WDFY4: variants seen among roughly 807,000 people sequenced by gnomAD.
WDFY4 encodes the protein WD repeat- and FYVE domain-containing protein 4.
In WDFY4, 169 loss-of-function variants were observed where a neutral mutation model predicts 351.9. That is an observed-to-expected ratio of 0.48 (90% CI 0.42 to 0.55). The LOEUF is 0.55. Ranked by LOEUF, WDFY4 falls within the 20% of genes least tolerant of loss-of-function variation. WDFY4 has a pLI of 0.00. For synonymous variants in WDFY4, 1,622 were observed against 1,574.6 expected (o/e 1.03, Z -0.71); for missense variants, 3,803 against 3,935.6 (o/e 0.97, Z 0.90).
chr10:48,842,613 C>T (rs1400760404), intron 39 of WDFY4, among the ~76,000 whole-genome samples: 1 of 152,210 alleles, frequency 6.6e-6, no homozygotes, highest in East Asian at 1.9e-4. Context: ...CCGGATGATG[C>T]TGATCTTCTC....
chr10:48,744,655 T>G (rs1033920757), intron 12 of WDFY4, among the ~76,000 whole-genome samples: 1 of 152,196 alleles, frequency 6.6e-6, no homozygotes, highest in African/African-American at 2.4e-5. Flanking sequence ...TTATGTAGAT[T>G]GTTTATTTCC....
chr10:48,727,440 G>T, intron 6 of WDFY4, 30 bp from the exon 7 acceptor site: 1 of 1,545,336 alleles, frequency 6.5e-7, no homozygotes, highest in South Asian at 1.2e-5. Context: ...TCCAAGCTCA[G>T]CAGGTCTCTC....
chr10:48,765,039 G>A (rs1267561717), intron 13 of WDFY4, among the ~76,000 whole-genome samples: 1 of 152,226 alleles, frequency 6.6e-6, no homozygotes, highest in African/African-American at 2.4e-5. Flanking sequence ...CCTATTTGGG[G>A]ACTCTGAATA....
At chr10:48,817,491 C>G in intron 32 of WDFY4, 82 bp downstream of exon 32, 2 of 1,413,454 alleles carry the variant, frequency 1.4e-6, no homozygotes, top group South Asian at 3.0e-5. Flanking sequence ...AATCCCTCCC[C>G]TCCCCCCTAA....
intron 23 of WDFY4, among the ~76,000 whole-genome samples, chr10:48,793,966 T>C (rs937734682): frequency 2.0e-4 from 30 of 152,124 alleles, no homozygotes; most frequent in African/African-American, 6.5e-4. Flanking sequence ...GTTCTTAATA[T>C]GGGGAAAGAG....
At chr10:48,927,307 C>CCTTTGCCATTT (rs1217133181) in intron 47 of WDFY4, among the ~76,000 whole-genome samples, 2 of 152,168 alleles carry the variant, frequency 1.3e-5, no homozygotes, top group African/African-American at 2.4e-5. Flanking sequence ...AGTGACCTCT[C>CCTTTGCCATTT]CTTTGCCATT....
intron 1 of WDFY4, among the ~76,000 whole-genome samples, chr10:48,706,980 T>C (rs2132185723): frequency 6.6e-6 from 1 of 152,290 alleles, no homozygotes; most frequent in East Asian, 1.9e-4. Flanking sequence ...AAGAAAGTTA[T>C]GGACTAATTT....
chr10:48,703,635 C>T (rs553205727), intron 1 of WDFY4, among the ~76,000 whole-genome samples: 2 of 152,264 alleles, frequency 1.3e-5, no homozygotes, highest in South Asian at 4.1e-4. Context: ...AGCTTCTTGG[C>T]ATCTTAGCTC....
At chr10:48,795,532 TATACAC>T (rs1327740462) in intron 23 of WDFY4, among the ~76,000 whole-genome samples, 1,124 of 74,762 alleles carry the variant, frequency 0.015, 39 homozygotes, top group East Asian at 0.11. Flanking sequence ...TACATATATA[TATACAC>T]ACACATGAAT....
intron 57 of WDFY4, among the ~76,000 whole-genome samples, chr10:48,970,706 C>A (rs1350831361): frequency 2.0e-5 from 3 of 152,356 alleles, no homozygotes; most frequent in East Asian, 3.9e-4. Context: ...CGGATTGCCT[C>A]ATTTTAGCTT....
At chr10:48,886,559 A>G (rs900918846) in intron 43 of WDFY4, among the ~76,000 whole-genome samples, 13 of 152,180 alleles carry the variant, frequency 8.5e-5, no homozygotes, top group Admixed American at 8.5e-4. Context: ...TCTGTCTTGC[A>G]TGCTCACTTC....
In WDFY4 at chr10:48,957,282, G is replaced by A. The variant is rs975758655; in HGVS notation, c.8131G>A (p.Gly2711Ser). The A allele has an allele frequency of 4.5e-6, 7 of 1,550,694 alleles. No individual in the cohort carries two copies. Among genetic ancestry groups the A allele is most frequent in the Non-Finnish European group, 6.1e-6 (7 of 1,146,182 alleles). ...AACCAACTGCAACGGGGTAGAGTTC[G>A]GTAAGTGGAGGCCTGGTGAGGCCGG... Reference protein sequence around the residue: ...FLTNCNGVEFGCMQDGTVLGD... With the variant: ...FLTNCNGVEFSCMQDGTVLGD... Residue 2711 changes from glycine to serine, a missense_variant and splice_region_variant, in exon 52 of 62, where the codon GGC becomes AGC. Gly to Ser is a moderately conservative substitution (Grantham distance 56). Coordinates refer to ENST00000325239, the MANE Select transcript of WDFY4 (RefSeq NM_001394531.1).
rs778866216 is a variant in WDFY4, at chr10:48,873,554, G to A, written c.6805G>A (p.Gly2269Arg). 4 of 1,551,564 alleles carry A rather than the reference G, an allele frequency of 2.6e-6. No individual in the cohort carries two copies. The highest frequency in any genetic ancestry group is 2.4e-5 in the South Asian group (2 of 84,054). The change falls in exon 41 of 62, where the codon GGG becomes AGG. Residue 2269 changes from glycine (G) to arginine (R), a missense_variant. Coordinates refer to ENST00000325239, the MANE Select transcript of WDFY4 (RefSeq NM_001394531.1). ...GGCCAGGATCCAGGAGCAGCTTTTT[G>A]GGGAGCTGGGCTTGTGGAGCCAGGG... ...AWARIQEQLF[G>R]ELGLWSQGEE...
intron 51 of WDFY4, among the ~76,000 whole-genome samples, chr10:48,947,976 G>T (rs536957726): frequency 5.3e-5 from 8 of 152,272 alleles, no homozygotes; most frequent in Admixed American, 2.6e-4. Flanking sequence ...CCCAAGAACT[G>T]TGAGTTTGGG....
At chr10:48,901,500 T>A (rs1246652513) in intron 46 of WDFY4, among the ~76,000 whole-genome samples, 1 of 152,250 alleles carries the variant, frequency 6.6e-6, no homozygotes, top group African/African-American at 2.4e-5. Flanking sequence ...ACAGCAGGAT[T>A]GTTGACATTG....
rs566907110 is a variant in WDFY4, at chr10:48,890,621, G to A, written c.7210G>A (p.Val2404Met). The A allele has an allele frequency of 5.6e-5, 87 of 1,551,680 alleles. No homozygotes were observed. In the East Asian group the frequency reaches 1.3e-3, roughly 24 times the overall value. Residue 2404 changes from valine (V) to methionine (M), a missense_variant, in exon 44 of 62, where the codon GTG becomes ATG. Physicochemically the swap from Val to Met is conservative, Grantham distance 21 (BLOSUM62 1). Transcript: ENST00000325239. Reference protein sequence around the residue: ...FSLVIVQGHLVSEGVLLFGHQ... With the variant: ...FSLVIVQGHLMSEGVLLFGHQ... ...CCTGGTGATTGTGCAGGGCCACCTG[G>A]TGTCAGAAGGGGTCCTGCTTTTTGG...
intron 41 of WDFY4, 143 bp downstream of exon 41, chr10:48,873,840 T>G (rs2069884121): frequency 1.1e-6 from 1 of 886,690 alleles, no homozygotes; most frequent in African/African-American, 1.7e-5. Flanking sequence ...CAAAATTTAT[T>G]CTCAATGCCA....
At chr10:48,942,700 C>CT (rs1439892394) in intron 48 of WDFY4, among the ~76,000 whole-genome samples, 3 of 152,354 alleles carry the variant, frequency 2.0e-5, no homozygotes, top group South Asian at 2.1e-4. Context: ...AGGAGAGCCC[C>CT]TGAACATACA....
chr10:48,725,430 G>A (rs752240442), intron 5 of WDFY4, among the ~76,000 whole-genome samples: 2 of 152,160 alleles, frequency 1.3e-5, no homozygotes, highest in Non-Finnish European at 2.9e-5. Context: ...GGGGATTGGC[G>A]GGAACAAGGA....
Sources: gnomAD v4.1 joint callset for allele counts (sites outside exome capture counted in the v4.1 genomes callset) on GRCh38, gnomAD v4.1.1 for gene constraint, MANE v1.5 for transcripts, NCBI Gene and HGNC (gene_info 2026-07-23, HGNC 2026-07-21) for gene names.